The following SYNDIG1 variants were observed in gnomAD, a reference collection of about 807,000 sequenced individuals.
SYNDIG1 encodes synapse differentiation inducing 1, also known as synapse differentiation-inducing gene protein 1.
A neutral mutation model predicts 19.4 loss-of-function variants in SYNDIG1; 9 were observed. That is an observed-to-expected ratio of 0.46 (90% CI 0.28 to 0.81). The LOEUF (loss-of-function observed/expected upper bound fraction) is 0.81, where lower values mean the gene tolerates loss of function less well. SYNDIG1 is among the 30% of genes least tolerant of loss of function. The pLI is 0.12. For synonymous variants in SYNDIG1, 141 were observed against 145.9 expected (o/e 0.97, Z 0.24); for missense variants, 311 against 343.3 (o/e 0.91, Z 0.74).
Position 24,664,465 on chromosome 20 carries a change from G to T in SYNDIG1, c.619-881G>T, listed in dbSNP as rs1358630147. On this transcript the variant is annotated intron_variant, in intron 3 of 3. Transcript: ENST00000376862. ...CCACAGGGGGCCCGCGGGTGGCTTGGGAGTCAACCCTCCTCAGCATCACGT... is the reference window on the plus strand; with the variant it reads ...CCACAGGGGGCCCGCGGGTGGCTTGTGAGTCAACCCTCCTCAGCATCACGT... 3.3e-5 allele frequency among the ~76,000 whole-genome samples: 5 copies of T among 152,218 alleles called. No homozygotes were observed. The East Asian group carries it at 9.7e-4, about 29-fold the overall frequency.
At position 24,498,769 on chromosome 20, in the gene SYNDIG1, C is replaced by T. The variant is rs28430371; in HGVS notation, c.-79+29016C>T. 3.0e-3 allele frequency among the ~76,000 whole-genome samples: 455 copies of T among 152,240 alleles called. 7 individuals are homozygous for T. The highest frequency in any genetic ancestry group is 0.01 in the African/African-American group (436 of 41,528). The stretch of plus-strand genomic sequence containing the variant: ...GATTTCCCTCTTTCGTAAGGTTGAC[C>T]AGTGTTCCGTGGCATGTACACCACC... On this transcript the variant is annotated intron_variant, in intron 1 of 3. Transcript: ENST00000376862.
At chr20:24,517,682 GTA>G (rs1328057081) in intron 1 of SYNDIG1, among the ~76,000 whole-genome samples, 3 of 137,288 alleles carry the variant, frequency 2.2e-5, no homozygotes, top group African/African-American at 5.4e-5. Context: ...ATGTGTATAT[GTA>G]TATATATATA....
intron 1 of SYNDIG1, among the ~76,000 whole-genome samples, chr20:24,525,218 T>C (rs1301186666): frequency 1.3e-5 from 2 of 151,964 alleles, no homozygotes; most frequent in African/African-American, 2.4e-5. Flanking sequence ...AACTTTTATA[T>C]GATTTGCATT....
intron 3 of SYNDIG1, among the ~76,000 whole-genome samples, chr20:24,627,376 T>C (rs1489783186): frequency 6.6e-6 from 1 of 152,136 alleles, no homozygotes; most frequent in African/African-American, 2.4e-5. Flanking sequence ...ACCTAAGGAA[T>C]CTGGAAAACT....
rs1320690612 is a variant in SYNDIG1, at chr20:24,665,573, G to A, written c.*69G>A. On this transcript the variant is annotated 3_prime_UTR_variant, in exon 4 of 4. Transcript: ENST00000376862. ...TGGACGTGGAGGAAGCAGGCATACC[G>A]CATGATGCTGTACAGTACAAATGAT... The A allele has an allele frequency of 1.9e-5, 30 of 1,598,664 alleles. No individual in the cohort carries two copies. The highest frequency in any genetic ancestry group is 1.8e-4 in the South Asian group (16 of 89,708).
chr20:24,484,356 G>T (rs780573576), intron 1 of SYNDIG1, among the ~76,000 whole-genome samples: 1 of 152,142 alleles, frequency 6.6e-6, no homozygotes, highest in East Asian at 1.9e-4. Context: ...CCACATGAAC[G>T]ATATTGGCCT....
chr20:24,626,747 C>T (rs2059145506), intron 3 of SYNDIG1, among the ~76,000 whole-genome samples: 2 of 152,190 alleles, frequency 1.3e-5, no homozygotes, highest in Admixed American at 6.5e-5. Context: ...GAGGTTGTAG[C>T]GAGCCGAGAT....
At chr20:24,536,994 C>T (rs1430150287) in intron 1 of SYNDIG1, among the ~76,000 whole-genome samples, 2 of 152,146 alleles carry the variant, frequency 1.3e-5, no homozygotes, top group East Asian at 3.9e-4. Context: ...GCTTATTGTG[C>T]TTCTCCTTGT....
intron 1 of SYNDIG1, among the ~76,000 whole-genome samples, chr20:24,477,990 A>G (rs2146218717): frequency 6.6e-6 from 1 of 152,346 alleles, no homozygotes; most frequent in South Asian, 2.1e-4. Context: ...GGGCTGGACA[A>G]GAACTCCACC....
intron 2 of SYNDIG1, among the ~76,000 whole-genome samples, chr20:24,556,704 G>A (rs1193682842): frequency 6.6e-6 from 1 of 152,164 alleles, no homozygotes; most frequent in Non-Finnish European, 1.5e-5. Context: ...TCCCTTTGTG[G>A]GTAACCCGAC....
intron 1 of SYNDIG1, among the ~76,000 whole-genome samples, chr20:24,474,587 A>G (rs1368138633): frequency 2.6e-5 from 4 of 152,228 alleles, no homozygotes. Flanking sequence ...TCAGTGTGAA[A>G]AACTTTTTGC....
intron 2 of SYNDIG1, among the ~76,000 whole-genome samples, chr20:24,584,059 T>C (rs925814022): frequency 2.0e-5 from 3 of 152,096 alleles, no homozygotes; most frequent in African/African-American, 7.2e-5. Context: ...AATTAAAAAG[T>C]AAATTCCTGT....
intron 3 of SYNDIG1, among the ~76,000 whole-genome samples, chr20:24,604,045 A>T (rs1209765323): frequency 2.0e-5 from 3 of 152,182 alleles, no homozygotes; most frequent in Admixed American, 2.0e-4. Context: ...TTATCTTACC[A>T]AAACAAACAA....
intron 3 of SYNDIG1, among the ~76,000 whole-genome samples, chr20:24,594,344 G>C (rs1568670057): frequency 6.6e-6 from 1 of 151,976 alleles, no homozygotes; most frequent in Non-Finnish European, 1.5e-5. Flanking sequence ...CAGGTGTATG[G>C]TTTTATTTCT....
intron 1 of SYNDIG1, among the ~76,000 whole-genome samples, chr20:24,512,599 C>G (rs2056773183): frequency 6.6e-6 from 1 of 152,092 alleles, no homozygotes; most frequent in South Asian, 2.1e-4. Context: ...GGGAGGGGCG[C>G]CTGCCATTGC....
intron 3 of SYNDIG1, 55 bp downstream of exon 3, chr20:24,585,048 TGGGG>T: frequency 1.0e-5 from 4 of 395,176 alleles, no homozygotes; most frequent in Non-Finnish European, 1.7e-5. Flanking sequence ...AGGGTGGGGG[TGGGG>T]GCGGCAATCC....
intron 2 of SYNDIG1, among the ~76,000 whole-genome samples, chr20:24,546,203 C>T (rs541175763): frequency 2.7e-4 from 41 of 152,308 alleles, no homozygotes; most frequent in African/African-American, 9.6e-4. Flanking sequence ...TTCCCTTCTT[C>T]GGTAATTAAC....
intron 2 of SYNDIG1, among the ~76,000 whole-genome samples, chr20:24,565,579 T>C (rs1035066594): frequency 1.3e-5 from 2 of 152,222 alleles, no homozygotes; most frequent in African/African-American, 2.4e-5. Flanking sequence ...TTGTTTCTTC[T>C]AGAAAATAGA....
At chr20:24,627,417 T>A (rs1443617187) in intron 3 of SYNDIG1, among the ~76,000 whole-genome samples, 1 of 152,152 alleles carries the variant, frequency 6.6e-6, no homozygotes, top group Non-Finnish European at 1.5e-5. Flanking sequence ...CCTGGGCCCT[T>A]CTGCTGGTGA....
Sources: gnomAD v4.1 joint callset for allele counts (sites outside exome capture counted in the v4.1 genomes callset) on GRCh38, gnomAD v4.1.1 for gene constraint, MANE v1.5 for transcripts, NCBI Gene and HGNC (gene_info 2026-07-23, HGNC 2026-07-21) for gene names.